TANC1: variants seen among roughly 807,000 people sequenced by gnomAD.
TANC1 encodes the protein tetratricopeptide repeat, ankyrin repeat and coiled-coil containing 1.
A neutral mutation model predicts 149.7 loss-of-function variants in TANC1; 77 were observed. The observed-to-expected ratio is 0.51, with a 90% confidence interval of 0.43 to 0.62. The LOEUF (loss-of-function observed/expected upper bound fraction) is 0.62, where lower values mean the gene tolerates loss of function less well. Ranked by LOEUF, TANC1 falls within the 20% of genes least tolerant of loss-of-function variation. The pLI, the probability that TANC1 is intolerant of heterozygous loss-of-function variation, is 0.00. For synonymous variants in TANC1, 854 were observed against 925.0 expected, an observed-to-expected ratio of 0.92 and a Z score of 1.39; for missense variants, 1,985 against 2,321.8, an observed-to-expected ratio of 0.85 and a Z score of 2.98.
intron 4 of TANC1, among the ~76,000 whole-genome samples, chr2:159,124,606 A>C (rs1406437502): frequency 6.6e-6 from 1 of 152,204 alleles, no homozygotes; most frequent in Non-Finnish European, 1.5e-5. Context: ...TGAGTTCCTT[A>C]GACAAACTCT....
In TANC1 at chr2:159,179,119, A is replaced by G; in HGVS notation, c.2466A>G (p.Val822=). The change falls in exon 14 of 27, where the codon GTA becomes GTG. Residue 822 remains valine (V), a synonymous_variant. Coordinates refer to ENST00000263635, the MANE Select transcript of TANC1 (RefSeq NM_033394.3). ...FCHPSFREWL[V]WRADGENTAF... ...ACCCGTCCTTCAGGGAGTGGCTTGTATGGAGAGCAGACGGGGAAAACACGG... is the reference window on the plus strand; with the variant it reads ...ACCCGTCCTTCAGGGAGTGGCTTGTGTGGAGAGCAGACGGGGAAAACACGG... The G allele has an allele frequency of 1.9e-6, 3 of 1,613,394 alleles. No homozygotes were observed. Among genetic ancestry groups the G allele is most frequent in the African/African-American group, 1.3e-5 (1 of 74,856 alleles).
rs554773608 is a variant in TANC1 at position 159,001,741 on chromosome 2, G to A, written c.-16+552G>A. Among the ~76,000 whole-genome samples, 1 of 152,290 alleles carries A rather than the reference G, an allele frequency of 6.6e-6. No homozygotes were observed. Among genetic ancestry groups the A allele is most frequent in the Admixed American group, 6.5e-5 (1 of 15,300 alleles). ...AGGAATCTCAGGTTTAACCAGATTA[G>A]GCAACTTGCCCAAGGTCATACATCC... On this transcript the variant is annotated intron_variant, in intron 2 of 26. Transcript: ENST00000263635. This position sits in a 1 kb window ranked among gnomAD's most constrained non-coding sequence, Gnocchi z 4.3.
At chr2:159,075,511 G>C (rs2149754610) in intron 3 of TANC1, among the ~76,000 whole-genome samples, 1 of 152,014 alleles carries the variant, frequency 6.6e-6, no homozygotes, top group East Asian at 1.9e-4. Flanking sequence ...GGAAAGTCGA[G>C]GTTGCAGTGA....
intron 4 of TANC1, among the ~76,000 whole-genome samples, chr2:159,127,824 A>G (rs1162831606): frequency 2.0e-5 from 3 of 152,212 alleles, no homozygotes; most frequent in Admixed American, 1.3e-4. Flanking sequence ...TACCTATGTA[A>G]CAGACCTGCA....
intron 2 of TANC1, among the ~76,000 whole-genome samples, chr2:159,043,487 C>G (rs1012388328): frequency 2.0e-5 from 3 of 152,128 alleles, no homozygotes; most frequent in South Asian, 4.2e-4. Flanking sequence ...GAAAGTAAAT[C>G]AGATTTCTTC....
chr2:159,007,182 T>C (rs2149356914), intron 2 of TANC1, among the ~76,000 whole-genome samples: 1 of 150,010 alleles, frequency 6.7e-6, no homozygotes, highest in Admixed American at 6.6e-5. Context: ...GTTTTGCTCT[T>C]GTTGCCCAGG....
chr2:159,227,731 G>A, intron 24 of TANC1, 88 bp from the exon 25 acceptor site: 3 of 1,457,356 alleles, frequency 2.1e-6, no homozygotes, highest in Non-Finnish European at 2.8e-6. Context: ...GCAGGGGGGA[G>A]TAAACTCCCC....
At chr2:159,006,182 A>T (rs2037150457) in intron 2 of TANC1, among the ~76,000 whole-genome samples, 1 of 151,754 alleles carries the variant, frequency 6.6e-6, no homozygotes. Flanking sequence ...CTGTAGTCCC[A>T]GCTACTCCGG....
In TANC1 at chr2:159,094,700, G is replaced by A. The variant is rs145804282; in HGVS notation, c.62-2937G>A. ...CAGTGCTATAAGACTGGCCCCTGTG[G>A]TTCTGGGGATTGGTGACAATGGTAT... On this transcript the variant is annotated intron_variant, in intron 3 of 26. Coordinates refer to ENST00000263635, the MANE Select transcript of TANC1 (RefSeq NM_033394.3). Among the ~76,000 whole-genome samples the A allele has an allele frequency of 1.6e-3, 234 of 149,320 alleles. 2 individuals are homozygous for A. The highest frequency in any genetic ancestry group is 5.6e-3 in the African/African-American group (225 of 40,306).
rs74860297 is a variant in TANC1 at position 159,124,441 on chromosome 2, G to A, written c.260-11753G>A. 1.3e-3 allele frequency among the ~76,000 whole-genome samples: 195 copies of A among 152,336 alleles called. 1 individual carries two copies. Among genetic ancestry groups the A allele is most frequent in the Middle Eastern group, 3.4e-3 (1 of 294 alleles). ...GTCTAATAAGTTCGCAGGTGATGCT[G>A]TTGCTGTTGGTCCAGGGGCTGGTCT... On this transcript the variant is annotated intron_variant, in intron 4 of 26. Transcript: ENST00000263635.
chr2:159,122,858 A>G (rs1242356650), intron 4 of TANC1, among the ~76,000 whole-genome samples: 2 of 150,642 alleles, frequency 1.3e-5, no homozygotes, highest in Non-Finnish European at 2.9e-5. Flanking sequence ...GTTACTTTGC[A>G]TCTTCACCAG....
At chr2:159,208,651 A>T (rs2058783295) in intron 19 of TANC1, among the ~76,000 whole-genome samples, 1 of 152,182 alleles carries the variant, frequency 6.6e-6, no homozygotes, top group Non-Finnish European at 1.5e-5. Context: ...ATAACACAGA[A>T]TCCCCATACT....
At chr2:159,006,318 A>C (rs2037177984) in intron 2 of TANC1, among the ~76,000 whole-genome samples, 1 of 151,086 alleles carries the variant, frequency 6.6e-6, no homozygotes. Context: ...AAAAAAAAGA[A>C]TGTCACATTA....
At chr2:159,036,072 C>T (rs1057468429) in intron 2 of TANC1, among the ~76,000 whole-genome samples, 1 of 152,116 alleles carries the variant, frequency 6.6e-6, no homozygotes, top group Non-Finnish European at 1.5e-5. Context: ...AGGAGTCTCC[C>T]TTTTCTGCTG....
At chr2:159,165,114 G>A (rs2054453226) in intron 8 of TANC1, among the ~76,000 whole-genome samples, 1 of 152,194 alleles carries the variant, frequency 6.6e-6, no homozygotes, top group Non-Finnish European at 1.5e-5. Flanking sequence ...TAGTCAAGCT[G>A]TTTTAAAATT....
At chr2:159,058,271 G>A (rs1485832572) in intron 2 of TANC1, among the ~76,000 whole-genome samples, 1 of 152,196 alleles carries the variant, frequency 6.6e-6, no homozygotes, top group Non-Finnish European at 1.5e-5. Flanking sequence ...CTGAAAGCCT[G>A]TTATTTGAAC....
intron 2 of TANC1, among the ~76,000 whole-genome samples, chr2:159,062,685 C>T (rs1160030208): frequency 3.3e-5 from 5 of 152,044 alleles, no homozygotes; most frequent in African/African-American, 9.7e-5. Context: ...AAGCAAAGCT[C>T]GGCCGGGCGC....
intron 1 of TANC1, among the ~76,000 whole-genome samples, chr2:158,998,566 G>A (rs1300775549): frequency 6.6e-6 from 1 of 152,230 alleles, no homozygotes; most frequent in Non-Finnish European, 1.5e-5. Context: ...AAATTGGAGA[G>A]GATGTAGGTG....
intron 4 of TANC1, among the ~76,000 whole-genome samples, chr2:159,101,172 A>C (rs1470359546): frequency 1.3e-5 from 2 of 152,204 alleles, no homozygotes; most frequent in Non-Finnish European, 2.9e-5. Context: ...TTAAAAAACA[A>C]AAACAAAAAA....
Sources: gnomAD v4.1 joint callset for allele counts (sites outside exome capture counted in the v4.1 genomes callset) on GRCh38, gnomAD v4.1.1 for gene constraint, Gnocchi (gnomAD v3.1) non-coding constraint, MANE v1.5 for transcripts, NCBI Gene and HGNC (gene_info 2026-07-23, HGNC 2026-07-21) for gene names.